Variants in RPS27L observed in about 807,000 individuals in gnomAD.
The protein encoded by RPS27L is ribosomal protein eS27-like.
RPS27L carries 10 observed loss-of-function variants against 12.8 expected under a neutral mutation model. That is an observed-to-expected ratio of 0.78 (90% CI 0.48 to 1.33). RPS27L has a LOEUF of 1.33. Ranked by LOEUF, RPS27L falls within the 40% of genes most tolerant of loss-of-function variation. RPS27L has a pLI of 0.00. For synonymous variants in RPS27L, 26 were observed against 32.3 expected (o/e 0.81, Z 0.66); for missense variants, 81 against 97.4 (o/e 0.83, Z 0.71).
chr15:63,154,364 T>G (rs2037318944), intron 3 of RPS27L: 1 of 300,890 alleles, frequency 3.3e-6, no homozygotes, highest in East Asian at 6.3e-5. Flanking sequence ...GAAGATATAC[T>G]CTTAATTTTT....
At position 63,153,726 on chromosome 15, in the gene RPS27L, C is replaced by CA. The variant is rs35597192; in HGVS notation, c.*305dup. 71,547 of 189,534 alleles carry CA rather than the reference C, an allele frequency of 0.38. 11,620 individuals are homozygous for CA. Among genetic ancestry groups the CA allele is most frequent in the Non-Finnish European group, 0.43 (44,534 of 104,426 alleles). The allele number at this position is 189,534 out of a possible 1,614,324, so 11.7% of individuals were successfully genotyped here. A position where few individuals can be genotyped will look rare whatever the true frequency, so the allele number is the denominator to read the frequency against. ...AGTGACAGAGCAGGACTCTCTCTCT[C>CA]AAAAAAAAAAAAAAAGACACAAACT... On this transcript the variant is annotated 3_prime_UTR_variant, in exon 4 of 4. Transcript: ENST00000330964.
rs755116789 is a variant in RPS27L, at chr15:63,155,652, C to G, written c.195G>C (p.Gln65His). Residue 65 changes from glutamine (Q) to histidine (H), a missense_variant, in exon 3 of 4, where the codon CAG becomes CAC. Gln to His is a conservative substitution (Grantham distance 24). Transcript: ENST00000330964. ...TGAGTCTGGCCTTTCCTCCTGTAGGCTGGCACAACACTGTTGAACAACCTA... is the reference window on the plus strand; with the variant it reads ...TGAGTCTGGCCTTTCCTCCTGTAGGGTGGCACAACACTGTTGAACAACCTA... Reference protein sequence around the residue: ...LCVGCSTVLCQPTGGKARLTE... With the variant: ...LCVGCSTVLCHPTGGKARLTE... The G allele has an allele frequency of 6.3e-7, 1 of 1,592,762 alleles. No individual in the cohort carries two copies. Among genetic ancestry groups the G allele is most frequent in the East Asian group, 2.3e-5 (1 of 43,374 alleles).
Position 63,153,146 on chromosome 15 carries a change from A to C in RPS27L, c.*886T>G, listed in dbSNP as rs1473099166. 1.3e-5 allele frequency: 2 copies of C among 152,204 alleles called. No homozygotes were observed. The highest frequency in any genetic ancestry group is 2.9e-5 in the Non-Finnish European group (2 of 68,040). 9.4% of individuals were successfully genotyped at this position (152,204 alleles called of 1,614,324 possible). ...AGTGCTCACCTATCTGGGCCAGAGA[A>C]TTCAACACCATCTACTATCCCCAAC... On this transcript the variant is annotated 3_prime_UTR_variant, in exon 4 of 4. Transcript: ENST00000330964.
At chr15:63,154,149 T>C in intron 3 of RPS27L, 89 bp from the exon 4 acceptor site, 2 of 1,072,592 alleles carry the variant, frequency 1.9e-6, no homozygotes. Context: ...AGTAAAATAC[T>C]GAAGTTTTAA....
At position 63,149,172 on chromosome 15, in the gene RPS27L, G is replaced by A. The variant is rs1368939303; in HGVS notation, c.*4860C>T. 6.6e-6 allele frequency: 1 copy of A among 152,022 alleles called. No homozygotes were observed. Among genetic ancestry groups the A allele is most frequent in the Non-Finnish European group, 1.5e-5 (1 of 67,996 alleles). The allele number at this position is 152,022 out of a possible 1,614,324, so 9.4% of individuals were successfully genotyped here. ...CCCGGCCCCTGATGTCATTTTCTAT[G>A]CCTATAGTTGTGAAAAAGTAGCTGT... On this transcript the variant is annotated 3_prime_UTR_variant, in exon 4 of 4. Transcript: ENST00000330964.
rs1246695916 is a variant in RPS27L, at chr15:63,152,454, T to C, written c.*1578A>G. The stretch of plus-strand genomic sequence containing the variant: ...GTCAGAAACTAAAAGTCTGAGAATC[T>C]CTGGGTCATCTACATATATATGTAT... On this transcript the variant is annotated 3_prime_UTR_variant, in exon 4 of 4. Coordinates refer to ENST00000330964, the MANE Select transcript of RPS27L (RefSeq NM_015920.4). 1 of 151,326 alleles carries C rather than the reference T, an allele frequency of 6.6e-6. No homozygotes were observed. Among genetic ancestry groups the C allele is most frequent in the African/African-American group, 2.4e-5 (1 of 41,288 alleles). 9.4% of individuals were successfully genotyped at this position (151,326 alleles called of 1,614,324 possible).
chr15:63,156,555 T>C (rs778837752), intron 1 of RPS27L, 34 bp from the exon 2 acceptor site: 2 of 1,301,056 alleles, frequency 1.5e-6, no homozygotes, highest in Non-Finnish European at 2.2e-6. Flanking sequence ...CTATTAGTTT[T>C]AAACCACAAC....
Position 63,157,474 on chromosome 15 carries a change from C to G in RPS27L, c.-69G>C. ...ACACAGCTAGCAAGCTGCAAGCGAT[C>G]TGCGCTCGGCATCAACTTCCGGGAT... On this transcript the variant is annotated 5_prime_UTR_variant, in exon 1 of 4. Coordinates refer to ENST00000330964, the MANE Select transcript of RPS27L (RefSeq NM_015920.4). The G allele has an allele frequency of 6.3e-7, 1 of 1,583,106 alleles. No homozygotes were observed.
At chr15:63,155,866 T>C (rs2037329031) in intron 2 of RPS27L, 135 bp from the exon 3 acceptor site, 1 of 455,714 alleles carries the variant, frequency 2.2e-6, no homozygotes. Context: ...AACATAAACT[T>C]TTCTAGCAGC....
chr15:63,157,260 G>T, intron 1 of RPS27L, 140 bp downstream of exon 1: 4 of 946,468 alleles, frequency 4.2e-6, no homozygotes, highest in South Asian at 4.0e-5. Flanking sequence ...TGCCCGCCAC[G>T]CGCGAAGACG....
At chr15:63,156,650 A>T in intron 1 of RPS27L, 129 bp from the exon 2 acceptor site, 1 of 686,350 alleles carries the variant, frequency 1.5e-6, no homozygotes, top group Non-Finnish European at 2.6e-6. Flanking sequence ...GTCAGATAGT[A>T]AAGTTATTTT....
rs2037305907 is a variant in RPS27L, at chr15:63,152,464, C to G, written c.*1568G>C. ...AAAAGTCTGAGAATCTCTGGGTCAT[C>G]TACATATATATGTATATATATATAT... On this transcript the variant is annotated 3_prime_UTR_variant, in exon 4 of 4. Coordinates refer to ENST00000330964, the MANE Select transcript of RPS27L (RefSeq NM_015920.4). 6.7e-6 allele frequency: 1 copy of G among 148,806 alleles called. No homozygotes were observed. The highest frequency in any genetic ancestry group is 2.5e-5 in the African/African-American group (1 of 40,364). 9.2% of individuals were successfully genotyped at this position (148,806 alleles called of 1,614,324 possible).
intron 1 of RPS27L, chr15:63,156,976 T>G (rs1385645466): frequency 8.5e-6 from 3 of 354,162 alleles, no homozygotes; most frequent in Admixed American, 4.6e-5. Flanking sequence ...CGACCGTCCT[T>G]GACGGAATTA....
rs774713622 is a variant in RPS27L at position 63,153,334 on chromosome 15, T to A, written c.*698A>T. ...ATAAATCCAAGGCATTACACTGTGA[T>A]CAATATGTATTTTTTTGAAACTATT... On this transcript the variant is annotated 3_prime_UTR_variant, in exon 4 of 4. Transcript: ENST00000330964. 6 of 152,244 alleles carry A rather than the reference T, an allele frequency of 3.9e-5. No homozygotes were observed. Among genetic ancestry groups the A allele is most frequent in the Non-Finnish European group, 7.3e-5 (5 of 68,044 alleles). The allele number at this position is 152,244 out of a possible 1,614,324, so 9.4% of individuals were successfully genotyped here. A position where few individuals can be genotyped will look rare whatever the true frequency, so the allele number is the denominator to read the frequency against.
Position 63,156,517 on chromosome 15 carries a change from G to C in RPS27L, c.11C>G (p.Ala4Gly). MPL[A>G]RDLLHPSLEE... ...CAAGGACGGATGTAGTAAATCTCTA[G>C]CCAACTGAACAAAGAAGCATATTAT... is the stretch of plus-strand genomic sequence containing the variant. The change falls in exon 2 of 4, where the codon GCT (alanine) becomes GGT (glycine). Residue 4 changes from alanine to glycine, a missense_variant. By Grantham distance (60) the Ala-to-Gly change is moderately conservative. Coordinates refer to ENST00000330964, the MANE Select transcript of RPS27L (RefSeq NM_015920.4). 1 of 1,582,850 alleles carries C rather than the reference G, an allele frequency of 6.3e-7. No individual in the cohort carries two copies.
At chr15:63,155,081 G>A (rs2037323139) in intron 3 of RPS27L, 1 of 152,122 alleles carries the variant, frequency 6.6e-6, no homozygotes, top group Non-Finnish European at 1.5e-5. Context: ...GAGGTCAGGA[G>A]ATCAAGACCA....
intron 2 of RPS27L, among the ~76,000 whole-genome samples, chr15:63,156,116 G>A (rs2037330605): frequency 1.3e-5 from 2 of 152,188 alleles, no homozygotes; most frequent in African/African-American, 2.4e-5. Context: ...CACAGCTTTA[G>A]ACTGAAGAAT....
chr15:63,157,183 G>A, intron 1 of RPS27L: 1 of 606,456 alleles, frequency 1.6e-6, no homozygotes, highest in South Asian at 1.9e-5. Context: ...CCCAGCCACC[G>A]CCTCTGAATT....
intron 2 of RPS27L, 46 bp downstream of exon 2, chr15:63,156,367 C>G: frequency 9.7e-7 from 1 of 1,029,524 alleles, no homozygotes. Context: ...CTAGCAATCC[C>G]TACAGAAATT....
Sources: allele counts gnomAD v4.1 joint callset (sites outside exome capture counted in the v4.1 genomes callset), GRCh38; gene constraint gnomAD v4.1.1; transcripts MANE v1.5; gene names NCBI Gene and HGNC (gene_info 2026-07-23, HGNC 2026-07-21).